The following ME1 variants were observed in gnomAD, a reference collection of about 807,000 sequenced individuals.
ME1 encodes malic enzyme 1, also known as NADP-dependent malic enzyme.
In ME1, 74 loss-of-function variants were observed where a neutral mutation model predicts 66.4. The ratio of observed to expected loss-of-function variants is 1.11; its 90% CI spans 0.92 to 1.35. The LOEUF (loss-of-function observed/expected upper bound fraction) is 1.35, where lower values mean the gene tolerates loss of function less well. Ranked by LOEUF, ME1 falls within the 40% of genes most tolerant of loss-of-function variation. ME1 has a pLI of 0.00. For synonymous variants in ME1, 251 were observed against 235.6 expected, an observed-to-expected ratio of 1.07 and a Z score of -0.60; for missense variants, 750 against 694.1, an observed-to-expected ratio of 1.08 and a Z score of -0.90.
intron 13 of ME1, among the ~76,000 whole-genome samples, chr6:83,214,153 A>G (rs1789949425): frequency 6.6e-6 from 1 of 152,188 alleles, no homozygotes; most frequent in African/African-American, 2.4e-5. Context: ...AAGATCCCTC[A>G]TGCCTACTTA....
chr6:83,377,088 A>G (rs118122226), intron 3 of ME1, among the ~76,000 whole-genome samples: 2,821 of 152,296 alleles, frequency 0.019, 50 homozygotes, highest in South Asian at 0.031. Flanking sequence ...CCAACCCTTT[A>G]TAAGTATCTC....
At chr6:83,373,984 C>T (rs1769241020) in intron 3 of ME1, among the ~76,000 whole-genome samples, 3 of 152,140 alleles carry the variant, frequency 2.0e-5, no homozygotes, top group Admixed American at 6.5e-5. Context: ...GTAATATGTA[C>T]CACATTTTCA....
chr6:83,270,017 G>C (rs1037289819), intron 6 of ME1, among the ~76,000 whole-genome samples: 1 of 151,956 alleles, frequency 6.6e-6, no homozygotes, highest in Admixed American at 6.6e-5. Flanking sequence ...GGATTTATAG[G>C]TCTCTGTAAT....
intron 3 of ME1, among the ~76,000 whole-genome samples, chr6:83,366,584 GA>G (rs1026949308): frequency 1.3e-5 from 2 of 152,148 alleles, no homozygotes; most frequent in African/African-American, 4.8e-5. Flanking sequence ...AAAAGTGGGT[GA>G]AACACTATGG....
At chr6:83,366,657 T>G (rs971201650) in intron 3 of ME1, among the ~76,000 whole-genome samples, 3 of 152,178 alleles carry the variant, frequency 2.0e-5, no homozygotes, top group Admixed American at 6.5e-5. Flanking sequence ...GACTATCCAG[T>G]TGTTGCTGTA....
rs1554262995 is a variant in ME1, at chr6:83,237,276, AAAGG to A, written c.1026+437_1026+440del. Among the ~76,000 whole-genome samples the A allele has an allele frequency of 3.4e-4, 25 of 73,640 alleles. 3 individuals carry two copies. The highest frequency in any genetic ancestry group is 3.6e-4 in the South Asian group (1 of 2,778). The allele number at this position is 73,640 out of a possible 152,430, so 48.3% of individuals were successfully genotyped here. A position where few individuals can be genotyped will look rare whatever the true frequency, so the allele number is the denominator to read the frequency against. On this transcript the variant is annotated intron_variant, in intron 9 of 13. Transcript: ENST00000369705. ...GAAAGAAAGAAAGAAAGAAAGAAAGAAAGGAAGGAAGGAAGGAAAGAAAGAAAAA... is the reference window on the plus strand; with the variant it reads ...GAAAGAAAGAAAGAAAGAAAGAAAGAAAGGAAGGAAGGAAAGAAAGAAAAA...
intron 3 of ME1, among the ~76,000 whole-genome samples, chr6:83,362,217 G>A (rs1410621267): frequency 6.6e-6 from 1 of 152,212 alleles, no homozygotes; most frequent in African/African-American, 2.4e-5. Flanking sequence ...CGGATTCATG[G>A]GCTGTAGGTT....
intron 3 of ME1, chr6:83,392,990 G>A: frequency 1.1e-6 from 1 of 912,242 alleles, no homozygotes; most frequent in Non-Finnish European, 1.8e-6. Context: ...GGAAACTGTG[G>A]GGTGACGGCC....
intron 5 of ME1, among the ~76,000 whole-genome samples, chr6:83,340,622 TGGTGAAACTG>T (rs1248221061): frequency 6.6e-6 from 1 of 151,944 alleles, no homozygotes; most frequent in African/African-American, 2.4e-5. Flanking sequence ...CACTAGTAAG[TGGTGAAACTG>T]GGAGCATGGG....
chr6:83,251,521 A>T (rs1041645298), intron 7 of ME1, among the ~76,000 whole-genome samples: 1 of 152,058 alleles, frequency 6.6e-6, no homozygotes, highest in Non-Finnish European at 1.5e-5. Context: ...AATATATAAA[A>T]ATGCTACTAT....
At chr6:83,413,830 T>G (rs1442469557) in intron 1 of ME1, among the ~76,000 whole-genome samples, 1 of 152,132 alleles carries the variant, frequency 6.6e-6, no homozygotes, top group Admixed American at 6.5e-5. Flanking sequence ...TAGAATTGGC[T>G]GGGCATGATG....
chr6:83,354,574 C>G (rs1205779473), intron 3 of ME1, among the ~76,000 whole-genome samples: 1 of 152,202 alleles, frequency 6.6e-6, no homozygotes, highest in East Asian at 1.9e-4. Flanking sequence ...AAAATCTTGG[C>G]TCCTCAGACA....
chr6:83,397,484 G>A (rs1769758249), intron 3 of ME1, among the ~76,000 whole-genome samples: 2 of 152,100 alleles, frequency 1.3e-5, no homozygotes. Flanking sequence ...AAGTATTGGC[G>A]AGGAACCTGA....
At chr6:83,263,689 A>G (rs915328079) in intron 6 of ME1, among the ~76,000 whole-genome samples, 2 of 152,108 alleles carry the variant, frequency 1.3e-5, no homozygotes, top group Non-Finnish European at 2.9e-5. Flanking sequence ...GAAAATGCAG[A>G]AGAAAAGTTT....
At chr6:83,395,244 C>T (rs778146482) in intron 3 of ME1, among the ~76,000 whole-genome samples, 10 of 151,442 alleles carry the variant, frequency 6.6e-5, no homozygotes, top group Admixed American at 2.6e-4. Context: ...ACTACCACCA[C>T]GCTCAGCAAT....
At chr6:83,411,700 G>C (rs1770051536) in intron 1 of ME1, among the ~76,000 whole-genome samples, 1 of 152,130 alleles carries the variant, frequency 6.6e-6, no homozygotes, top group Admixed American at 6.5e-5. Flanking sequence ...GGTTCTAACT[G>C]TCATTTGATT....
At chr6:83,214,326 CAG>C (rs1399756827) in intron 13 of ME1, among the ~76,000 whole-genome samples, 1 of 152,214 alleles carries the variant, frequency 6.6e-6, no homozygotes, top group Non-Finnish European at 1.5e-5. Flanking sequence ...AACTCTCTGA[CAG>C]AGTGGCTTAT....
At chr6:83,269,303 A>T (rs1231345551) in intron 6 of ME1, among the ~76,000 whole-genome samples, 2 of 152,160 alleles carry the variant, frequency 1.3e-5, no homozygotes, top group Non-Finnish European at 2.9e-5. Context: ...GACAAGACAT[A>T]TATAATAAAG....
intron 1 of ME1, among the ~76,000 whole-genome samples, chr6:83,427,769 T>G (rs1253929017): frequency 6.6e-6 from 1 of 152,146 alleles, no homozygotes; most frequent in African/African-American, 2.4e-5. Context: ...CCCAACACTT[T>G]TGGGAGGCCG....
Sources: gnomAD v4.1 joint callset for allele counts (sites outside exome capture counted in the v4.1 genomes callset) on GRCh38, gnomAD v4.1.1 for gene constraint, MANE v1.5 for transcripts, NCBI Gene and HGNC (gene_info 2026-07-23, HGNC 2026-07-21) for gene names.